PCDHGA8: variants seen among roughly 807,000 people sequenced by gnomAD.
PCDHGA8 encodes protocadherin gamma subfamily A, 8.
A neutral mutation model predicts 59.2 loss-of-function variants in PCDHGA8; 45 were observed. That is an observed-to-expected ratio of 0.76 (90% CI 0.60 to 0.98). The LOEUF (loss-of-function observed/expected upper bound fraction) is 0.98, where lower values mean the gene tolerates loss of function less well. Ranked by LOEUF, PCDHGA8 falls within the 50% of genes least tolerant of loss-of-function variation. The pLI, the probability that PCDHGA8 is intolerant of heterozygous loss-of-function variation, is 0.00. For synonymous variants in PCDHGA8, 531 were observed against 519.0 expected (o/e 1.02, Z -0.32); for missense variants, 1,257 against 1,196.2 (o/e 1.05, Z -0.75).
chr5:141,471,404 TTA>T (rs1320685792), intron 1 of PCDHGA8: 3 of 152,170 alleles, frequency 2.0e-5, no homozygotes, highest in Non-Finnish European at 4.4e-5. Flanking sequence ...GTAGCTAGGC[TTA>T]GTTATGTTTT....
intron 1 of PCDHGA8, chr5:141,422,190 A>G (rs761351024): frequency 6.4e-7 from 1 of 1,561,412 alleles, no homozygotes. Flanking sequence ...TGGAAATTCA[A>G]GGCCAAGATG....
intron 1 of PCDHGA8, chr5:141,423,333 C>T (rs761192305): frequency 3.1e-6 from 5 of 1,614,184 alleles, no homozygotes; most frequent in Non-Finnish European, 4.2e-6. Context: ...CCGCAGTCTC[C>T]TGCATCTTCC....
At chr5:141,440,275 T>C (rs913705052) in intron 1 of PCDHGA8, 14 of 152,120 alleles carry the variant, frequency 9.2e-5, no homozygotes, top group African/African-American at 3.1e-4. Flanking sequence ...GAGACCAGCC[T>C]GACCAACATA....
chr5:141,424,232 C>A (rs182055138), intron 1 of PCDHGA8: 1 of 158,642 alleles, frequency 6.3e-6, no homozygotes, highest in East Asian at 1.9e-4. Context: ...TATTTTGATT[C>A]TTGGTGGCTG....
At chr5:141,413,648 TC>T in intron 1 of PCDHGA8, 1 of 1,613,820 alleles carries the variant, frequency 6.2e-7, no homozygotes, top group Non-Finnish European at 8.5e-7. Context: ...CGTTTTCCTC[TC>T]CCGGAAGCTA....
At position 141,505,417 on chromosome 5, in the gene PCDHGA8, C is replaced by T; in HGVS notation, c.2508C>T (p.Gly836=). The change falls in exon 3 of 4, where the codon GGC becomes GGT. Residue 836 remains glycine, a synonymous_variant. Coordinates refer to ENST00000398604, the MANE Select transcript of PCDHGA8 (RefSeq NM_032088.2). ...TSGSQNGDDT[G]TWPNNQFDTE... is the part of the protein sequence containing the mutation. ...GCTCCCAAAATGGCGATGACACCGG[C>T]ACCTGGCCCAACAACCAGTTTGACA... 1 of 1,614,212 alleles carries T rather than the reference C, an allele frequency of 6.2e-7. No individual in the cohort carries two copies. Among genetic ancestry groups the T allele is most frequent in the Non-Finnish European group, 8.5e-7 (1 of 1,180,024 alleles).
At chr5:141,435,821 T>C (rs571444304) in intron 1 of PCDHGA8, among the ~76,000 whole-genome samples, 72 of 152,240 alleles carry the variant, frequency 4.7e-4, no homozygotes, top group African/African-American at 1.6e-3. Context: ...CTTTCTTCTT[T>C]GTTTGCTGCC....
chr5:141,461,647 C>T (rs1242234255), intron 1 of PCDHGA8, among the ~76,000 whole-genome samples: 3 of 152,006 alleles, frequency 2.0e-5, no homozygotes, highest in Non-Finnish European at 4.4e-5. Context: ...TTCTTTGACC[C>T]ATGGATTATT....
intron 1 of PCDHGA8, among the ~76,000 whole-genome samples, chr5:141,463,380 A>G (rs994170903): frequency 2.0e-5 from 3 of 149,876 alleles, no homozygotes; most frequent in Admixed American, 6.7e-5. Context: ...ACAGTCTGAA[A>G]GTTGTCTCCA....
At chr5:141,442,205 A>G (rs2098308049) in intron 1 of PCDHGA8, 1 of 153,214 alleles carries the variant, frequency 6.5e-6, no homozygotes, top group Admixed American at 6.5e-5. Context: ...ATATCTGGTG[A>G]TTGCCTTAGC....
intron 1 of PCDHGA8, chr5:141,423,300 G>A (rs1293301567): frequency 2.5e-6 from 4 of 1,614,028 alleles, no homozygotes; most frequent in African/African-American, 1.3e-5. Context: ...CAGACCTCTC[G>A]CTGTACTTGG....
intron 1 of PCDHGA8, among the ~76,000 whole-genome samples, chr5:141,480,916 A>C (rs991166066): frequency 6.6e-6 from 1 of 152,106 alleles, no homozygotes; most frequent in East Asian, 1.9e-4. Flanking sequence ...ATGGTGGCGC[A>C]TACCTGTAGT....
In PCDHGA8 at chr5:141,486,487, C is replaced by T; in HGVS notation, c.2425-8320C>T. ...CTGGGAACCCTCCTCTCAGTACCCA[C>T]AGAACTATTTTCCTCAATATTTCAG... On this transcript the variant is annotated intron_variant, in intron 1 of 3. Coordinates refer to ENST00000398604, the MANE Select transcript of PCDHGA8 (RefSeq NM_032088.2). This position sits in a 1 kb window ranked among gnomAD's most constrained non-coding sequence, Gnocchi z 5.0. 1 of 1,614,086 alleles carries T rather than the reference C, an allele frequency of 6.2e-7. No individual in the cohort carries two copies. Among genetic ancestry groups the T allele is most frequent in the Non-Finnish European group, 8.5e-7 (1 of 1,179,918 alleles).
In PCDHGA8 at chr5:141,432,129, A is replaced by T. The variant is rs758099753; in HGVS notation, c.2424+36892A>T. The T allele has an allele frequency of 6.2e-6, 10 of 1,614,054 alleles. No individual in the cohort carries two copies. In the South Asian group the frequency reaches 8.8e-5, roughly 14 times the overall value. On this transcript the variant is annotated intron_variant, in intron 1 of 3. Transcript: ENST00000398604. This position sits in a 1 kb window ranked among gnomAD's most constrained non-coding sequence, Gnocchi z 6.0. ...CCGCCGGTCTTCCCTCAGGCCTCCTATTCCGCTTATATCCCAGAGAACAAT... is the reference window on the plus strand; with the variant it reads ...CCGCCGGTCTTCCCTCAGGCCTCCTTTTCCGCTTATATCCCAGAGAACAAT...
intron 1 of PCDHGA8, chr5:141,423,599 C>T (rs1185412610): frequency 6.2e-7 from 1 of 1,612,844 alleles, no homozygotes; most frequent in Non-Finnish European, 8.5e-7. Context: ...AAAAGCGAGC[C>T]ACTCTTGATA....
chr5:141,421,505 G>A (rs745883683), intron 1 of PCDHGA8: 3 of 1,614,058 alleles, frequency 1.9e-6, no homozygotes, highest in South Asian at 1.1e-5. Context: ...AGGATAGACC[G>A]GGAGGAGCTC....
In PCDHGA8 at chr5:141,404,943, TAGCTGAC is replaced by T. The variant is rs770372146; in HGVS notation, c.2424+9710_2424+9716del. On this transcript the variant is annotated intron_variant, in intron 1 of 3. Transcript: ENST00000398604. ...GCCACTGTCACGCTCACAGTAGCCA[TAGCTGAC>T]AGCATCCCAGACATCCTGGCTGACC... 24 of 1,613,914 alleles carry T rather than the reference TAGCTGAC, an allele frequency of 1.5e-5. No individual in the cohort carries two copies. In the East Asian group the frequency reaches 4.0e-4, roughly 27 times the overall value.
intron 1 of PCDHGA8, chr5:141,423,689 G>T: frequency 7.1e-7 from 1 of 1,400,130 alleles, no homozygotes; most frequent in Non-Finnish European, 9.4e-7. Context: ...CCTCCTAATT[G>T]TTGGTGTCTT....
At chr5:141,413,344 G>A in intron 1 of PCDHGA8, 1 of 1,613,986 alleles carries the variant, frequency 6.2e-7, no homozygotes. Context: ...CAAGGACTTG[G>A]GTCTGGCGCC....
Sources: gnomAD v4.1 joint callset for allele counts (sites outside exome capture counted in the v4.1 genomes callset) on GRCh38, gnomAD v4.1.1 for gene constraint, Gnocchi (gnomAD v3.1) non-coding constraint, MANE v1.5 for transcripts, NCBI Gene and HGNC (gene_info 2026-07-23, HGNC 2026-07-21) for gene names.